Variants in NRG3 observed in about 807,000 individuals in gnomAD.
NRG3 encodes neuregulin 3, also known as pro-neuregulin-3, membrane-bound isoform.
NRG3 carries 31 observed loss-of-function variants against 66.9 expected under a neutral mutation model. The observed-to-expected ratio is 0.46, with a 90% CI of 0.35 to 0.63. The LOEUF (loss-of-function observed/expected upper bound fraction) is 0.63. NRG3 is among the 20% of genes least tolerant of loss of function. NRG3 has a pLI of 0.00. For synonymous variants in NRG3, 393 were observed against 359.4 expected (o/e 1.09, Z -1.06); for missense variants, 910 against 878.9 (o/e 1.04, Z -0.45).
At chr10:82,368,870 T>C (rs1399899107) in intron 2 of NRG3, among the ~76,000 whole-genome samples, 1 of 138,488 alleles carries the variant, frequency 7.2e-6, no homozygotes, top group Non-Finnish European at 1.5e-5. Flanking sequence ...TGCAAGCTTC[T>C]TGGGTAAATA....
rs1048998595 is a variant in NRG3 at position 82,301,660 on chromosome 10, A to G, written c.824-57079A>G. Reference sequence around the variant, plus strand: ...ATACATTCAGTTTCCATTTTTATTTATATGTATATGTATACACATATATTC... The same window carrying G: ...ATACATTCAGTTTCCATTTTTATTTGTATGTATATGTATACACATATATTC... On this transcript the variant is annotated intron_variant, in intron 1 of 8. Coordinates refer to ENST00000372141, the MANE Select transcript of NRG3 (RefSeq NM_001010848.4). Among the ~76,000 whole-genome samples the G allele has an allele frequency of 2.1e-5, 3 of 145,522 alleles. No individual in the cohort carries two copies. The South Asian group carries it at 6.3e-4, about 31-fold the overall frequency.
intron 2 of NRG3, among the ~76,000 whole-genome samples, chr10:82,599,283 G>A (rs1245621784): frequency 1.3e-5 from 2 of 152,104 alleles, no homozygotes; most frequent in Non-Finnish European, 2.9e-5. Context: ...TAGAAAAATA[G>A]GTAGAGATAA....
At chr10:82,008,823 C>T (rs568433934) in intron 1 of NRG3, among the ~76,000 whole-genome samples, 76 of 152,242 alleles carry the variant, frequency 5.0e-4, no homozygotes, top group African/African-American at 1.6e-3. Flanking sequence ...GCAATATTGG[C>T]GGTGGGCATT....
chr10:82,179,807 CT>C, intron 1 of NRG3, among the ~76,000 whole-genome samples: 1 of 151,900 alleles, frequency 6.6e-6, no homozygotes, highest in East Asian at 1.9e-4. Flanking sequence ...TGCATTGAAT[CT>C]GTAGATTGCT....
At chr10:82,400,181 A>G (rs781479260) in intron 2 of NRG3, among the ~76,000 whole-genome samples, 18 of 152,324 alleles carry the variant, frequency 1.2e-4, no homozygotes, top group Non-Finnish European at 2.5e-4. Flanking sequence ...AAAATTATCT[A>G]GTAATAAACA....
intron 1 of NRG3, among the ~76,000 whole-genome samples, chr10:81,918,320 C>T (rs528433518): frequency 1.8e-4 from 28 of 152,278 alleles, no homozygotes; most frequent in Admixed American, 1.7e-3. Flanking sequence ...ATTTAAAGAA[C>T]TGCAGTCCTC....
At chr10:82,433,051 G>A (rs913955509) in intron 2 of NRG3, among the ~76,000 whole-genome samples, 8 of 152,062 alleles carry the variant, frequency 5.3e-5, no homozygotes, top group South Asian at 2.1e-4. Flanking sequence ...TGTATTCCAC[G>A]ATGGTTGAAA....
chr10:82,710,384 G>A (rs1211398235), intron 2 of NRG3, among the ~76,000 whole-genome samples: 1 of 151,902 alleles, frequency 6.6e-6, no homozygotes, highest in African/African-American at 2.4e-5. Flanking sequence ...TCGGGAGTTC[G>A]AGACTAGCCT....
intron 1 of NRG3, among the ~76,000 whole-genome samples, chr10:82,120,574 G>T (rs1160064609): frequency 6.6e-6 from 1 of 152,006 alleles, no homozygotes; most frequent in Non-Finnish European, 1.5e-5. Flanking sequence ...AGTCAAGTTA[G>T]ATATTAAATT....
intron 2 of NRG3, among the ~76,000 whole-genome samples, chr10:82,443,859 G>C (rs2090569472): frequency 6.6e-6 from 1 of 152,190 alleles, no homozygotes; most frequent in Admixed American, 6.5e-5. Flanking sequence ...TAAACACAGA[G>C]TTCCTCCATA....
intron 2 of NRG3, among the ~76,000 whole-genome samples, chr10:82,522,579 A>C (rs902549963): frequency 6.6e-6 from 1 of 152,162 alleles, no homozygotes; most frequent in Non-Finnish European, 1.5e-5. Flanking sequence ...GGAAGTGTGC[A>C]TATGTTGTTT....
intron 2 of NRG3, among the ~76,000 whole-genome samples, chr10:82,409,112 T>C (rs989321223): frequency 1.3e-5 from 2 of 152,120 alleles, no homozygotes; most frequent in Non-Finnish European, 2.9e-5. Context: ...GTCCAAAAAC[T>C]ATGGAAGGTT....
intron 3 of NRG3, among the ~76,000 whole-genome samples, chr10:82,818,375 C>A (rs1565348081): frequency 6.6e-6 from 1 of 151,986 alleles, no homozygotes; most frequent in African/African-American, 2.4e-5. Context: ...TGGAAGAGGG[C>A]AACTAACTTC....
chr10:82,647,349 G>A (rs2051025915), intron 2 of NRG3, among the ~76,000 whole-genome samples: 1 of 152,044 alleles, frequency 6.6e-6, no homozygotes. Context: ...CTTTTTTATG[G>A]CTGCATAGTA....
chr10:82,921,344 G>T (rs1392989154), intron 4 of NRG3, among the ~76,000 whole-genome samples: 1 of 152,120 alleles, frequency 6.6e-6, no homozygotes, highest in Non-Finnish European at 1.5e-5. Flanking sequence ...AACAAGGAGA[G>T]CCTGAGGAAA....
Position 81,891,445 on chromosome 10 carries a change from C to G in NRG3, c.823+15282C>G, listed in dbSNP as rs573611811. Among the ~76,000 whole-genome samples, 3 of 152,256 alleles carry G rather than the reference C, an allele frequency of 2.0e-5. No individual in the cohort carries two copies. The South Asian group carries it at 6.2e-4, about 32-fold the overall frequency. On this transcript the variant is annotated intron_variant, in intron 1 of 8. Coordinates refer to ENST00000372141, the MANE Select transcript of NRG3 (RefSeq NM_001010848.4). Reference sequence around the variant, plus strand: ...AGATTATCCAGGCTTGTTACCTCATCTCCATATGCCTAGTCTACCACTTCC... The same window carrying G: ...AGATTATCCAGGCTTGTTACCTCATGTCCATATGCCTAGTCTACCACTTCC...
At chr10:82,507,751 C>T (rs1844818059) in intron 2 of NRG3, among the ~76,000 whole-genome samples, 1 of 152,160 alleles carries the variant, frequency 6.6e-6, no homozygotes, top group South Asian at 2.1e-4. Context: ...AGAAACATGC[C>T]TGTTTCTCCT....
chr10:82,909,140 A>C (rs962186630), intron 4 of NRG3, among the ~76,000 whole-genome samples: 1 of 152,228 alleles, frequency 6.6e-6, no homozygotes, highest in Non-Finnish European at 1.5e-5. Flanking sequence ...GAAACCATGC[A>C]ATTTCACCTG....
At position 82,174,889 on chromosome 10, in the gene NRG3, G is replaced by A. The variant is rs183086808; in HGVS notation, c.824-183850G>A. Among the ~76,000 whole-genome samples, 7 of 152,154 alleles carry A rather than the reference G, an allele frequency of 4.6e-5. No homozygotes were observed. In the East Asian group the frequency reaches 1.4e-3, roughly 30 times the overall value. ...TACTTCCCATTTTCTAATGATTGAA[G>A]CCTATTTAAGCCCCATGGATTAATT... On this transcript the variant is annotated intron_variant, in intron 1 of 8. Transcript: ENST00000372141.
Sources: gnomAD v4.1 joint callset for allele counts (sites outside exome capture counted in the v4.1 genomes callset) on GRCh38, gnomAD v4.1.1 for gene constraint, MANE v1.5 for transcripts, NCBI Gene and HGNC (gene_info 2026-07-23, HGNC 2026-07-21) for gene names.